CDC20B: variants seen among roughly 807,000 people sequenced by gnomAD.
CDC20B encodes cell division cycle 20B, also known as cell division cycle protein 20 homolog B.
A neutral mutation model predicts 64.1 loss-of-function variants in CDC20B; 58 were observed. That is an observed-to-expected ratio of 0.90 (90% CI 0.73 to 1.13). The LOEUF is 1.13. CDC20B is among the 50% of genes most tolerant of loss of function. The pLI, the probability that CDC20B is intolerant of heterozygous loss-of-function variation, is 0.00. For synonymous variants in CDC20B, 243 were observed against 230.6 expected (o/e 1.05, Z -0.49); for missense variants, 597 against 633.0 (o/e 0.94, Z 0.61).
chr5:55,170,426 T>C, intron 2 of CDC20B: 1 of 449,526 alleles, frequency 2.2e-6, no homozygotes, highest in Non-Finnish European at 4.7e-6. Context: ...TACTGTATTA[T>C]AAGCTAATGG....
chr5:55,135,149 T>C (rs1334072683), intron 5 of CDC20B, among the ~76,000 whole-genome samples: 1 of 152,074 alleles, frequency 6.6e-6, no homozygotes, highest in Non-Finnish European at 1.5e-5. Flanking sequence ...TGACAAGGGA[T>C]ATAAGGGAAC....
intron 2 of CDC20B, among the ~76,000 whole-genome samples, chr5:55,151,636 C>G (rs78770785): frequency 1.3e-5 from 2 of 152,162 alleles, no homozygotes; most frequent in Non-Finnish European, 2.9e-5. Context: ...AATATCCTAC[C>G]GCCTTAGCAG....
intron 6 of CDC20B, 108 bp downstream of exon 6, chr5:55,133,304 T>C (rs1743075630): frequency 3.9e-6 from 2 of 512,266 alleles, no homozygotes; most frequent in South Asian, 9.1e-5. Flanking sequence ...ACTATTTGGA[T>C]ATGAGACATA....
intron 2 of CDC20B, among the ~76,000 whole-genome samples, chr5:55,156,767 G>A (rs1029919706): frequency 2.6e-5 from 4 of 152,110 alleles, no homozygotes; most frequent in Admixed American, 6.6e-5. Flanking sequence ...CCAGCTACTC[G>A]GGAGGCTGAG....
chr5:55,153,737 A>C (rs1160381930), intron 2 of CDC20B, among the ~76,000 whole-genome samples: 1 of 152,230 alleles, frequency 6.6e-6, no homozygotes, highest in African/African-American at 2.4e-5. Flanking sequence ...TAAAGGACAG[A>C]ATAGAATTCA....
At chr5:55,126,059 G>C (rs182152132) in intron 8 of CDC20B, among the ~76,000 whole-genome samples, 6 of 152,140 alleles carry the variant, frequency 3.9e-5, no homozygotes, top group African/African-American at 1.4e-4. Context: ...TTTCCTCGTG[G>C]ATAATGAAAC....
chr5:55,147,088 A>G lies in CDC20B; in HGVS notation c.127-232T>C, dbSNP rs1291325304. Among the ~76,000 whole-genome samples the G allele has an allele frequency of 3.4e-5, 5 of 146,284 alleles. No individual in the cohort carries two copies. In the East Asian group the frequency reaches 5.9e-4, roughly 17 times the overall value. Reference sequence around the variant, plus strand: ...ATAGTTACATATTATATAAACATAAATATGTTATGTTTTATATATTTATAT... The same window carrying G: ...ATAGTTACATATTATATAAACATAAGTATGTTATGTTTTATATATTTATAT... On this transcript the variant is annotated intron_variant, in intron 2 of 11. Transcript: ENST00000381375.
chr5:55,147,762 A>G (rs1463571841), intron 2 of CDC20B, among the ~76,000 whole-genome samples: 1 of 152,188 alleles, frequency 6.6e-6, no homozygotes, highest in Non-Finnish European at 1.5e-5. Flanking sequence ...ATATCAGTGT[A>G]AAATATGACA....
intron 4 of CDC20B, among the ~76,000 whole-genome samples, chr5:55,142,703 C>T (rs1743364060): frequency 6.6e-6 from 1 of 152,166 alleles, no homozygotes; most frequent in Non-Finnish European, 1.5e-5. Flanking sequence ...AACAATAAAG[C>T]ACACATCAAA....
At chr5:55,128,088 G>A (rs1039982017) in intron 7 of CDC20B, among the ~76,000 whole-genome samples, 1 of 151,816 alleles carries the variant, frequency 6.6e-6, no homozygotes, top group Non-Finnish European at 1.5e-5. Flanking sequence ...TCTTAATCAC[G>A]GCTTCAGGTG....
At position 55,146,838 on chromosome 5, in the gene CDC20B, C is replaced by CATTAACTGAATCGAGT. The variant is rs1743496351; in HGVS notation, c.129_144dup (p.Ala49ThrfsTer5). The CATTAACTGAATCGAGT allele has an allele frequency of 5.0e-6, 8 of 1,614,000 alleles. No individual in the cohort carries two copies. Among genetic ancestry groups the CATTAACTGAATCGAGT allele is most frequent in the Non-Finnish European group, 6.8e-6 (8 of 1,179,946 alleles). ...TTGCTCTTAAAGTCAGAATACGTAG[C>CATTAACTGAATCGAGT]ATTAACTGAATCGAGTACCTGTTTA... On this transcript the variant is annotated stop_gained and frameshift_variant, in exon 3 of 12. Transcript: ENST00000381375. LOFTEE classifies it high-confidence loss of function.
At position 55,114,248 on chromosome 5, in the gene CDC20B, A is replaced by G; in HGVS notation, c.1530T>C (p.Asp510=). The G allele has an allele frequency of 6.2e-7, 1 of 1,613,892 alleles. No homozygotes were observed. The highest frequency in any genetic ancestry group is 8.5e-7 in the Non-Finnish European group (1 of 1,179,834). ...DQTRVFSAAA[D]GTASVWNCY is the part of the protein sequence containing the mutation. Reference sequence around the variant, plus strand: ...AGCAATTCCATACAGAGGCCGTCCCATCAGCTGCAGCAGAAAACACCCGGG... The same window carrying G: ...AGCAATTCCATACAGAGGCCGTCCCGTCAGCTGCAGCAGAAAACACCCGGG... The change falls in exon 12 of 12, where the codon GAT becomes GAC. Residue 510 remains aspartate (D), a synonymous_variant. Transcript: ENST00000381375. The surrounding 1 kb of genome is among the most constrained non-coding windows in gnomAD (Gnocchi z 4.1).
chr5:55,159,804 C>A (rs1424983820), intron 2 of CDC20B, among the ~76,000 whole-genome samples: 2 of 152,148 alleles, frequency 1.3e-5, no homozygotes, highest in Admixed American at 6.5e-5. Flanking sequence ...TGCTGAGCAT[C>A]GTACTCCATC....
intron 2 of CDC20B, chr5:55,166,948 T>G (rs998927873): frequency 6.6e-6 from 1 of 152,054 alleles, no homozygotes; most frequent in Non-Finnish European, 1.5e-5. Context: ...AAGAATCACT[T>G]GAAAACAGGA....
chr5:55,172,470 A>G, intron 2 of CDC20B, 118 bp downstream of exon 2: 1 of 787,008 alleles, frequency 1.3e-6, no homozygotes, highest in Admixed American at 2.4e-5. Flanking sequence ...GTAATAAGAT[A>G]CTAAAATTCT....
chr5:55,131,404 G>A (rs994266053), intron 6 of CDC20B, among the ~76,000 whole-genome samples: 8 of 152,126 alleles, frequency 5.3e-5, no homozygotes, highest in African/African-American at 1.9e-4. Flanking sequence ...GATGTCCAAG[G>A]AACAGGCCTT....
At chr5:55,156,224 A>G (rs1483632794) in intron 2 of CDC20B, among the ~76,000 whole-genome samples, 2 of 152,176 alleles carry the variant, frequency 1.3e-5, no homozygotes, top group African/African-American at 4.8e-5. Flanking sequence ...AACTACCCCC[A>G]TGATTTAGTT....
chr5:55,149,524 C>G (rs1743599928), intron 2 of CDC20B, among the ~76,000 whole-genome samples: 1 of 152,148 alleles, frequency 6.6e-6, no homozygotes, highest in African/African-American at 2.4e-5. Flanking sequence ...ACATATCACT[C>G]CCAAGAGGAA....
At chr5:55,142,861 T>A (rs935151392) in intron 4 of CDC20B, among the ~76,000 whole-genome samples, 14 of 152,310 alleles carry the variant, frequency 9.2e-5, no homozygotes, top group African/African-American at 3.4e-4. Context: ...AAATTGAGAA[T>A]TTATGACTTT....
Sources: gnomAD v4.1 joint callset for allele counts (sites outside exome capture counted in the v4.1 genomes callset) on GRCh38, gnomAD v4.1.1 for gene constraint, Gnocchi (gnomAD v3.1) non-coding constraint, MANE v1.5 for transcripts, NCBI Gene and HGNC (gene_info 2026-07-23, HGNC 2026-07-21) for gene names.